The following RAD23B variants were observed in gnomAD, a reference collection of about 807,000 sequenced individuals.
The protein encoded by RAD23B is lysine-specific demethylase RAD23B.
In RAD23B, 5 loss-of-function variants were observed where a neutral mutation model predicts 49.1. The ratio of observed to expected loss-of-function variants is 0.10; its 90% CI spans 0.05 to 0.21. The LOEUF (loss-of-function observed/expected upper bound fraction) is 0.21. Ranked by LOEUF, RAD23B falls within the 10% of genes least tolerant of loss-of-function variation. The pLI, the probability that RAD23B is intolerant of heterozygous loss-of-function variation, is 1.00. For synonymous variants in RAD23B, 184 were observed against 165.4 expected (o/e 1.11, Z -0.86); for missense variants, 356 against 486.7 (o/e 0.73, Z 2.53).
At chr9:107,294,240 A>G (rs768076770) in intron 1 of RAD23B, among the ~76,000 whole-genome samples, 5 of 152,238 alleles carry the variant, frequency 3.3e-5, no homozygotes, top group Admixed American at 1.3e-4. Flanking sequence ...TTATTTTTAA[A>G]TGCACGATTT....
At chr9:107,327,841 C>T (rs1827239643) in intron 9 of RAD23B, among the ~76,000 whole-genome samples, 1 of 151,956 alleles carries the variant, frequency 6.6e-6, no homozygotes, top group Non-Finnish European at 1.5e-5. Context: ...TTGTTAATTG[C>T]CAATTTCTAC....
rs149814690 is a variant in RAD23B, at chr9:107,317,138, A to G, written c.554-1614A>G. ...TGTGTGTGTTTACTTGACTTTTGCA[A>G]CTGGCTGAAGAACAGATTATAGATA... On this transcript the variant is annotated intron_variant, in intron 5 of 9. Coordinates refer to ENST00000358015, the MANE Select transcript of RAD23B (RefSeq NM_002874.5). Among the ~76,000 whole-genome samples, 198 of 152,074 alleles carry G rather than the reference A, an allele frequency of 1.3e-3. 1 individual carries two copies. Among genetic ancestry groups the G allele is most frequent in the African/African-American group, 3.1e-3 (130 of 41,498 alleles).
At chr9:107,322,398 G>A (rs1827128237) in intron 7 of RAD23B, among the ~76,000 whole-genome samples, 1 of 152,188 alleles carries the variant, frequency 6.6e-6, no homozygotes, top group African/African-American at 2.4e-5. Context: ...TTTGTATTTA[G>A]TGTTACTTTC....
chr9:107,323,117 C>T (rs1159784560), intron 7 of RAD23B, among the ~76,000 whole-genome samples: 2 of 152,114 alleles, frequency 1.3e-5, no homozygotes, highest in African/African-American at 4.8e-5. Context: ...CCTGTATGTA[C>T]GATTTTTGGT....
In RAD23B at chr9:107,311,719, G is replaced by A; in HGVS notation, c.535G>A (p.Asp179Asn). The A allele has an allele frequency of 6.4e-7, 1 of 1,569,434 alleles. No homozygotes were observed. Among genetic ancestry groups the A allele is most frequent in the Non-Finnish European group, 8.6e-7 (1 of 1,166,168 alleles). Residue 179 changes from aspartate (D) to asparagine (N), a missense_variant, in exon 5 of 10, where the codon GAT becomes AAT. Physicochemically the swap from Asp to Asn is conservative, Grantham distance 23 (BLOSUM62 1). Around this residue, in one of 5 missense-constraint regions of RAD23B, gnomAD observed 148 missense variants for 231.7 expected, o/e 0.64. Coordinates refer to ENST00000358015, the MANE Select transcript of RAD23B (RefSeq NM_002874.5). ...GDSSRSNLFE[D>N]ATSALVTGQS... ...TTCTTCTCGGTCAAACCTTTTTGAA[G>A]ATGCAACGAGTGCACTTGGTAAGTA... is the stretch of plus-strand genomic sequence containing the variant.
At chr9:107,299,351 C>G (rs1048440207) in intron 1 of RAD23B, among the ~76,000 whole-genome samples, 9 of 152,212 alleles carry the variant, frequency 5.9e-5, no homozygotes, top group African/African-American at 1.9e-4. Context: ...AAAGCCATCT[C>G]TGCCTTTTTT....
At chr9:107,301,922 A>C in intron 2 of RAD23B, 113 bp from the exon 3 acceptor site, 1 of 1,380,862 alleles carries the variant, frequency 7.2e-7, no homozygotes, top group South Asian at 1.3e-5. Flanking sequence ...TATGTTGGTG[A>C]TTCATATTTT....
intron 7 of RAD23B, among the ~76,000 whole-genome samples, 165 bp from the exon 8 acceptor site, chr9:107,323,725 A>G (rs1827150337): frequency 6.6e-6 from 1 of 152,192 alleles, no homozygotes; most frequent in South Asian, 2.1e-4. Flanking sequence ...AAAACTTGCA[A>G]GTTGGTACAG....
chr9:107,306,625 A>C lies in RAD23B; in HGVS notation c.475A>C (p.Thr159Pro). Residue 159 changes from threonine (T) to proline (P), a missense_variant, in exon 4 of 10, where the codon ACT becomes CCT. By Grantham distance (38) the Thr-to-Pro change is conservative (BLOSUM62 -1). Transcript: ENST00000358015. ...AAAGCCAGCAGAGACACCAGTGGCT[A>C]CTAGCCCAACAGCAACTGACAGGTA... The part of the protein sequence containing the change: ...AEKPAETPVA[T>P]SPTATDSTSG... The C allele has an allele frequency of 4.3e-6, 7 of 1,614,098 alleles. No individual in the cohort carries two copies. The highest frequency in any genetic ancestry group is 1.1e-5 in the South Asian group (1 of 91,080).
chr9:107,293,029 C>G (rs935320744), intron 1 of RAD23B, among the ~76,000 whole-genome samples: 1 of 151,986 alleles, frequency 6.6e-6, no homozygotes, highest in African/African-American at 2.4e-5. Context: ...GATTTAAGGA[C>G]TTCATTCTAT....
chr9:107,298,122 C>T (rs964986607), intron 1 of RAD23B, among the ~76,000 whole-genome samples: 7 of 152,130 alleles, frequency 4.6e-5, no homozygotes, highest in Non-Finnish European at 1.0e-4. Context: ...CCTCTACAAA[C>T]AAAGTTTGAG....
chr9:107,299,694 A>G (rs977616611), intron 1 of RAD23B, among the ~76,000 whole-genome samples: 1 of 152,220 alleles, frequency 6.6e-6, no homozygotes, highest in Admixed American at 6.5e-5. Flanking sequence ...GTAATGAAAC[A>G]TAACACTTAA....
chr9:107,307,815 G>C (rs1391211484), intron 4 of RAD23B, among the ~76,000 whole-genome samples: 1 of 152,130 alleles, frequency 6.6e-6, no homozygotes, highest in African/African-American at 2.4e-5. Context: ...CATGGGTTTA[G>C]GCAATAGAAT....
intron 5 of RAD23B, among the ~76,000 whole-genome samples, chr9:107,312,591 G>A (rs572698477): frequency 1.1e-4 from 16 of 152,120 alleles, no homozygotes; most frequent in Non-Finnish European, 1.8e-4. Context: ...ATCTAAGATC[G>A]CCTGGGTGTG....
At chr9:107,319,206 C>T (rs1431003832) in intron 6 of RAD23B, among the ~76,000 whole-genome samples, 2 of 144,544 alleles carry the variant, frequency 1.4e-5, no homozygotes, top group African/African-American at 2.7e-5. Flanking sequence ...TCTCTGCTCA[C>T]CACAAGCTCC....
intron 8 of RAD23B, among the ~76,000 whole-genome samples, chr9:107,324,498 G>A (rs1282222129): frequency 6.6e-6 from 1 of 152,124 alleles, no homozygotes; most frequent in South Asian, 2.1e-4. Flanking sequence ...AGTGTGGAAG[G>A]TAAAAAATAC....
chr9:107,283,713 G>C lies in RAD23B; in HGVS notation c.66+18G>C, dbSNP rs1833206645. On this transcript the variant is annotated intron_variant, in intron 1 of 9. Transcript: ENST00000358015. ...AGGAGACGGTATGCGCGCGGGCCGGGGGCAGGGGCAGCCGCGTGCGGGCCG... is the reference window on the plus strand; with the variant it reads ...AGGAGACGGTATGCGCGCGGGCCGGCGGCAGGGGCAGCCGCGTGCGGGCCG... 1 of 1,449,826 alleles carries C rather than the reference G, an allele frequency of 6.9e-7. No individual in the cohort carries two copies. Among genetic ancestry groups the C allele is most frequent in the African/African-American group, 1.5e-5 (1 of 67,320 alleles). The allele number at this position is 1,449,826 out of a possible 1,614,324, so 89.8% of individuals were successfully genotyped here.
chr9:107,320,127 C>T (rs936806569), intron 6 of RAD23B, among the ~76,000 whole-genome samples: 15 of 152,236 alleles, frequency 9.9e-5, no homozygotes, highest in Non-Finnish European at 1.8e-4. Flanking sequence ...CATTTATTTG[C>T]CTATGCCTTT....
intron 2 of RAD23B, among the ~76,000 whole-genome samples, chr9:107,301,652 C>T (rs918292770): frequency 6.6e-6 from 1 of 152,142 alleles, no homozygotes; most frequent in Non-Finnish European, 1.5e-5. Context: ...ATCCTCCTGC[C>T]TCAGCCTCCC....
Sources: gnomAD v4.1 joint callset for allele counts (sites outside exome capture counted in the v4.1 genomes callset) on GRCh38, gnomAD v4.1.1 for gene constraint, gnomAD v4.1.1 regional missense constraint, MANE v1.5 for transcripts, NCBI Gene and HGNC (gene_info 2026-07-23, HGNC 2026-07-21) for gene names.